Variants in SLC10A2 observed in about 807,000 individuals in gnomAD.
The protein encoded by SLC10A2 is ileal sodium/bile acid cotransporter.
In SLC10A2, 34 loss-of-function variants were observed where a neutral mutation model predicts 27.1. The ratio of observed to expected loss-of-function variants is 1.26; its 90% CI spans 0.96 to 1.67. SLC10A2 has a LOEUF of 1.67. Ranked by LOEUF, SLC10A2 falls within the 40% of genes most tolerant of loss-of-function variation. The pLI, the probability that SLC10A2 is intolerant of heterozygous loss-of-function variation, is 0.00. For missense variants in SLC10A2, 530 were observed against 444.4 expected, an observed-to-expected ratio of 1.19 and a Z score of -1.73; for synonymous variants, 205 against 174.0, an observed-to-expected ratio of 1.18 and a Z score of -1.40.
intron 2 of SLC10A2, among the ~76,000 whole-genome samples, chr13:103,053,175 G>A (rs1470451087): frequency 6.7e-6 from 1 of 150,166 alleles, no homozygotes; most frequent in Non-Finnish European, 1.5e-5. Context: ...GTTCATGGTA[G>A]TAGAAATAAA....
Position 103,045,412 on chromosome 13 carries a change from A to G in SLC10A2, c.*721T>C, listed in dbSNP as rs1018255043. ...AATTATGTTTTTCCTTGGAAGATCTAGTGGGTATCACTGGACCCCTGAGGT... is the reference window on the plus strand; with the variant it reads ...AATTATGTTTTTCCTTGGAAGATCTGGTGGGTATCACTGGACCCCTGAGGT... On this transcript the variant is annotated 3_prime_UTR_variant, in exon 6 of 6. Coordinates refer to ENST00000245312, the MANE Select transcript of SLC10A2 (RefSeq NM_000452.3). The G allele has an allele frequency of 1.3e-5, 2 of 152,266 alleles. No homozygotes were observed. The highest frequency in any genetic ancestry group is 4.1e-4 in the South Asian group (2 of 4,832). The allele number at this position is 152,266 out of a possible 1,614,324, so 9.4% of individuals were successfully genotyped here.
chr13:103,063,070 T>C (rs1350707224), intron 1 of SLC10A2, among the ~76,000 whole-genome samples: 1 of 152,192 alleles, frequency 6.6e-6, no homozygotes, highest in Non-Finnish European at 1.5e-5. Flanking sequence ...TTTTTGTGCA[T>C]GTGATGTCCA....
rs749371825 is a variant in SLC10A2, at chr13:103,058,397, G to A, written c.378-15C>T. The A allele has an allele frequency of 6.9e-7, 1 of 1,444,268 alleles. No homozygotes were observed. Among genetic ancestry groups the A allele is most frequent in the South Asian group, 1.1e-5 (1 of 87,554 alleles). The allele number at this position is 1,444,268 out of a possible 1,614,324, so 89.5% of individuals were successfully genotyped here. A position where few individuals can be genotyped will look rare whatever the true frequency, so the allele number is the denominator to read the frequency against. On this transcript the variant is annotated splice_polypyrimidine_tract_variant and intron_variant, in intron 1 of 5. Coordinates refer to ENST00000245312, the MANE Select transcript of SLC10A2 (RefSeq NM_000452.3). ...TCATGCTGACGCTGAAAGGCAATGGGCAGATTGATACATCCACCTGTGGTG... is the reference window on the plus strand; with the variant it reads ...TCATGCTGACGCTGAAAGGCAATGGACAGATTGATACATCCACCTGTGGTG...
chr13:103,061,150 T>C (rs1296914213), intron 1 of SLC10A2, among the ~76,000 whole-genome samples: 4 of 152,126 alleles, frequency 2.6e-5, no homozygotes, highest in Non-Finnish European at 4.4e-5. Context: ...TTTAAAACTT[T>C]AAGCAGTTCA....
chr13:103,049,445 A>G lies in SLC10A2; in HGVS notation c.763T>C (p.Cys255Arg). Reference protein sequence around the residue: ...ARIAGLPWYRCRTVAFETGMQ... With the variant: ...ARIAGLPWYRRRTVAFETGMQ... ...CCCGTTTCAAAAGCAACCGTTCGGC[A>G]CCTAAAGAAGATGTTAAGAGAGCAC... Residue 255 changes from cysteine (C) to arginine (R), a missense_variant and splice_region_variant, in exon 5 of 6, where the codon TGC (cysteine) becomes CGC (arginine). Coordinates refer to ENST00000245312, the MANE Select transcript of SLC10A2 (RefSeq NM_000452.3). 6.2e-7 allele frequency: 1 copy of G among 1,613,928 alleles called. No individual in the cohort carries two copies. The highest frequency in any genetic ancestry group is 1.1e-5 in the South Asian group (1 of 91,064).
intron 5 of SLC10A2, among the ~76,000 whole-genome samples, chr13:103,048,659 T>C (rs1286445998): frequency 1.3e-5 from 2 of 152,128 alleles, no homozygotes; most frequent in African/African-American, 4.8e-5. Flanking sequence ...AATTTTCAAC[T>C]AGGTGAAGGC....
At chr13:103,054,625 G>A (rs956480531) in intron 2 of SLC10A2, among the ~76,000 whole-genome samples, 2 of 152,098 alleles carry the variant, frequency 1.3e-5, no homozygotes, top group Admixed American at 1.3e-4. Flanking sequence ...TTTTGAGGCA[G>A]CCCAAGCCAA....
At chr13:103,050,492 G>A (rs891327568) in intron 4 of SLC10A2, among the ~76,000 whole-genome samples, 6 of 152,258 alleles carry the variant, frequency 3.9e-5, no homozygotes, top group South Asian at 2.1e-4. Context: ...AATATTCGGC[G>A]CCTTTGGAGG....
Position 103,066,197 on chromosome 13 carries a change from G to C in SLC10A2, c.53C>G (p.Ser18Cys), listed in dbSNP as rs770829839. Residue 18 changes from serine to cysteine, a missense_variant, in exon 1 of 6, where the codon TCC becomes TGC. Coordinates refer to ENST00000245312, the MANE Select transcript of SLC10A2 (RefSeq NM_000452.3). The stretch of plus-strand genomic sequence containing the variant: ...GAAATTGCTCTCAGGTACCACACAG[G>C]ATGCACCAGAGCAAACTGTTGCATT... ...VDNATVCSGA[S>C]CVVPESNFNN... 6.2e-7 allele frequency: 1 copy of C among 1,614,066 alleles called. No individual in the cohort carries two copies. Among genetic ancestry groups the C allele is most frequent in the Admixed American group, 1.7e-5 (1 of 60,008 alleles).
chr13:103,051,358 C>A lies in SLC10A2; in HGVS notation c.660G>T (p.Trp220Cys). The A allele has an allele frequency of 6.2e-7, 1 of 1,614,004 alleles. No homozygotes were observed. The change falls in exon 4 of 6, where the codon TGG becomes TGT. Residue 220 changes from tryptophan to cysteine, a missense_variant. Physicochemically the swap from Trp to Cys is radical, Grantham distance 215. Transcript: ENST00000245312. Reference sequence around the variant, plus strand: ...TAATCCACAGTTTGGGAGCAATGATCCAGGCGCTTTGGTACAATATTCCTC... The same window carrying A: ...TAATCCACAGTTTGGGAGCAATGATACAGGCGCTTTGGTACAATATTCCTC... ...VVGGILYQSA[W>C]IIAPKLWIIG... is the part of the protein sequence containing the mutation.
intron 1 of SLC10A2, among the ~76,000 whole-genome samples, chr13:103,062,543 T>G (rs1876153010): frequency 6.6e-6 from 1 of 152,196 alleles, no homozygotes. Flanking sequence ...TGGTTACTTT[T>G]AGGGAGAATA....
chr13:103,050,266 C>A (rs1227237560), intron 4 of SLC10A2, among the ~76,000 whole-genome samples: 1 of 152,128 alleles, frequency 6.6e-6, no homozygotes, highest in Non-Finnish European at 1.5e-5. Flanking sequence ...GGCCTGAGGT[C>A]CCCCGGGCAG....
At position 103,061,623 on chromosome 13, in the gene SLC10A2, C is replaced by A. The variant is rs557888091; in HGVS notation, c.378-3241G>T. ...TGAATATTGCTAAGACAATCTATGA[C>A]GTTGTATCATAATTTTGAGTTTGGT... On this transcript the variant is annotated intron_variant, in intron 1 of 5. Transcript: ENST00000245312. Among the ~76,000 whole-genome samples, 7 of 151,774 alleles carry A rather than the reference C, an allele frequency of 4.6e-5. No individual in the cohort carries two copies. In the South Asian group the frequency reaches 1.5e-3, roughly 32 times the overall value.
chr13:103,049,233 G>A (rs1875697003), intron 5 of SLC10A2, 56 bp downstream of exon 5: 1 of 1,590,574 alleles, frequency 6.3e-7, no homozygotes, highest in Non-Finnish European at 8.6e-7. Flanking sequence ...TGTTGTTTTA[G>A]CAACTCCAGG....
chr13:103,051,509 C>T, intron 3 of SLC10A2, 77 bp from the exon 4 acceptor site: 1 of 1,457,018 alleles, frequency 6.9e-7, no homozygotes, highest in Non-Finnish European at 9.5e-7. Context: ...GAGACAAAAC[C>T]TCAGCAGTCT....
At chr13:103,046,723 G>C (rs542652625) in intron 5 of SLC10A2, among the ~76,000 whole-genome samples, 2 of 152,132 alleles carry the variant, frequency 1.3e-5, no homozygotes. Flanking sequence ...TCTTTCCCCC[G>C]GAGAGAAGAG....
intron 1 of SLC10A2, among the ~76,000 whole-genome samples, chr13:103,060,393 T>C (rs972520443): frequency 2.6e-5 from 4 of 151,424 alleles, no homozygotes; most frequent in Admixed American, 1.3e-4. Flanking sequence ...TTTTTTTTTT[T>C]TTTTTTTTTT....
rs141755222 is a variant in SLC10A2, at chr13:103,048,687, T to C, written c.919+602A>G. On this transcript the variant is annotated intron_variant, in intron 5 of 5. Transcript: ENST00000245312. Reference sequence around the variant, plus strand: ...GTGAAGGCCAGTGGGCGGTGGGGCCTGATGGGAAACGCTGGGAGCTTCATG... The same window carrying C: ...GTGAAGGCCAGTGGGCGGTGGGGCCCGATGGGAAACGCTGGGAGCTTCATG... 3.4e-3 allele frequency among the ~76,000 whole-genome samples: 520 copies of C among 152,252 alleles called. 4 individuals carry two copies. The highest frequency in any genetic ancestry group is 0.012 in the African/African-American group (504 of 41,560).
rs199867772 is a variant in SLC10A2, at chr13:103,066,176, T to A, written c.74A>T (p.Asn25Ile). Residue 25 changes from asparagine (N) to isoleucine (I), a missense_variant, in exon 1 of 6, where the codon AAT (asparagine) becomes ATT (isoleucine). By Grantham distance (149) the Asn-to-Ile change is moderately radical (BLOSUM62 -3). Coordinates refer to ENST00000245312, the MANE Select transcript of SLC10A2 (RefSeq NM_000452.3). ...SGASCVVPES[N>I]FNNILSVVLS... ...GACCACACTTAGGATGTTATTGAAA[T>A]TGCTCTCAGGTACCACACAGGATGC... 7 of 1,614,114 alleles carry A rather than the reference T, an allele frequency of 4.3e-6. No individual in the cohort carries two copies. The South Asian group carries it at 6.6e-5, about 15-fold the overall frequency.
Sources: allele counts gnomAD v4.1 joint callset (sites outside exome capture counted in the v4.1 genomes callset), GRCh38; gene constraint gnomAD v4.1.1; transcripts MANE v1.5; gene names NCBI Gene and HGNC (gene_info 2026-07-23, HGNC 2026-07-21).